The following CENPU variants were observed in gnomAD, a reference collection of about 807,000 sequenced individuals.
CENPU encodes the protein KSHV latent nuclear antigen interacting protein 1.
In CENPU, 46 loss-of-function variants were observed where a neutral mutation model predicts 56.7. The ratio of observed to expected loss-of-function variants is 0.81; its 90% CI spans 0.64 to 1.04. The LOEUF (loss-of-function observed/expected upper bound fraction) is 1.04. Ranked by LOEUF, CENPU falls within the 50% of genes least tolerant of loss-of-function variation. CENPU has a pLI of 0.00. For synonymous variants in CENPU, 166 were observed against 163.0 expected, an observed-to-expected ratio of 1.02 and a Z score of -0.14; for missense variants, 510 against 490.1, an observed-to-expected ratio of 1.04 and a Z score of -0.38.
At chr4:184,712,119 C>CAAAAAAAAA (rs10650384) in intron 7 of CENPU, among the ~76,000 whole-genome samples, 101 of 80,632 alleles carry the variant, frequency 1.3e-3, no homozygotes, top group African/African-American at 3.5e-3. Flanking sequence ...GACTCAGTCT[C>CAAAAAAAAA]AAAAAAAAAA....
intron 11 of CENPU, 141 bp from the exon 12 acceptor site, chr4:184,697,944 T>TA (rs1292192773): frequency 8.5e-6 from 5 of 588,330 alleles, no homozygotes; most frequent in African/African-American, 1.9e-5. Context: ...TACGAATGTG[T>TA]AAAAGATTCT....
At chr4:184,696,791 CAA>C (rs1381062998) in intron 12 of CENPU, among the ~76,000 whole-genome samples, 1 of 151,668 alleles carries the variant, frequency 6.6e-6, no homozygotes, top group African/African-American at 2.4e-5. Flanking sequence ...ATAACAGTAG[CAA>C]AGTCTGCAGT....
chr4:184,708,848 T>C (rs921850753), intron 8 of CENPU, among the ~76,000 whole-genome samples: 20 of 152,096 alleles, frequency 1.3e-4, no homozygotes, highest in Non-Finnish European at 2.8e-4. Context: ...ATATATGAGA[T>C]AAAAGTGATC....
At chr4:184,701,560 G>A (rs921369044) in intron 10 of CENPU, among the ~76,000 whole-genome samples, 1 of 152,064 alleles carries the variant, frequency 6.6e-6, no homozygotes, top group Admixed American at 6.5e-5. Flanking sequence ...ATGCTGGCTG[G>A]CTTGTCACCC....
intron 11 of CENPU, among the ~76,000 whole-genome samples, chr4:184,700,177 A>G (rs1031272343): frequency 6.6e-6 from 1 of 152,084 alleles, no homozygotes; most frequent in African/African-American, 2.4e-5. Flanking sequence ...TGTGCACTCC[A>G]GTCTTCCTAA....
chr4:184,697,469 T>A (rs1364869506), intron 12 of CENPU, among the ~76,000 whole-genome samples, 178 bp downstream of exon 12: 1 of 152,222 alleles, frequency 6.6e-6, no homozygotes, highest in African/African-American at 2.4e-5. Flanking sequence ...CTTCATTAAG[T>A]AGCTAAGAAA....
intron 6 of CENPU, chr4:184,713,823 C>T (rs1445631968): frequency 6.6e-6 from 1 of 152,206 alleles, no homozygotes; most frequent in Admixed American, 6.5e-5. Context: ...GTATAGTGAG[C>T]TGAAGTCTAA....
At chr4:184,708,732 A>T (rs1223277541) in intron 8 of CENPU, among the ~76,000 whole-genome samples, 1 of 152,216 alleles carries the variant, frequency 6.6e-6, no homozygotes, top group Non-Finnish European at 1.5e-5. Flanking sequence ...GTATAATCAA[A>T]ATAATCAGAA....
At chr4:184,703,881 C>G (rs1228361461) in intron 8 of CENPU, among the ~76,000 whole-genome samples, 1 of 152,160 alleles carries the variant, frequency 6.6e-6, no homozygotes, top group Non-Finnish European at 1.5e-5. Flanking sequence ...AATAATGGAG[C>G]TAAAAATTTC....
chr4:184,705,028 C>A (rs571765294), intron 8 of CENPU, among the ~76,000 whole-genome samples: 1 of 152,148 alleles, frequency 6.6e-6, no homozygotes, highest in South Asian at 2.1e-4. Context: ...CCTTACAAAA[C>A]TAAACATGCA....
At chr4:184,709,095 C>A (rs2150210552) in intron 8 of CENPU, among the ~76,000 whole-genome samples, 1 of 152,106 alleles carries the variant, frequency 6.6e-6, no homozygotes, top group Non-Finnish European at 1.5e-5. Context: ...ATGGACTAAA[C>A]AGTTGAAATT....
At chr4:184,698,064 A>C in intron 11 of CENPU, 1 of 348,844 alleles carries the variant, frequency 2.9e-6, no homozygotes, top group Non-Finnish European at 5.2e-6. Flanking sequence ...GAAATTCATC[A>C]AGCCGTTCAA....
chr4:184,714,482 T>G (rs1761025658), intron 6 of CENPU, among the ~76,000 whole-genome samples: 1 of 152,038 alleles, frequency 6.6e-6, no homozygotes, highest in Non-Finnish European at 1.5e-5. Context: ...GCACAGAGGA[T>G]GGGGATGGAT....
At chr4:184,732,885 C>T (rs1761700395) in intron 1 of CENPU, among the ~76,000 whole-genome samples, 1 of 151,556 alleles carries the variant, frequency 6.6e-6, no homozygotes, top group South Asian at 2.1e-4. Flanking sequence ...GCCTGTAATC[C>T]CAGCTCCTCT....
At chr4:184,702,030 C>A in intron 10 of CENPU, 59 bp downstream of exon 10, 1 of 1,124,954 alleles carries the variant, frequency 8.9e-7, no homozygotes, top group East Asian at 2.4e-5. Context: ...CAAGTCTTCG[C>A]ATAACTCTAC....
intron 11 of CENPU, chr4:184,699,707 C>CTGGA (rs2150201107): frequency 1.1e-6 from 1 of 921,496 alleles, no homozygotes; most frequent in South Asian, 1.4e-5. Flanking sequence ...GTCACCCAGG[C>CTGGA]TGGAGTGCAC....
rs906148553 is a variant in CENPU at position 184,709,246 on chromosome 4, T to C, written c.797+826A>G. Reference sequence around the variant, plus strand: ...GCTCACGTCTATAATCCCAGCACTTTGGGAGGCTGAGGTGGGCAGATCACG... The same window carrying C: ...GCTCACGTCTATAATCCCAGCACTTCGGGAGGCTGAGGTGGGCAGATCACG... On this transcript the variant is annotated intron_variant, in intron 8 of 12. Coordinates refer to ENST00000281453, the MANE Select transcript of CENPU (RefSeq NM_024629.4). 5.9e-5 allele frequency among the ~76,000 whole-genome samples: 9 copies of C among 152,256 alleles called. 2 individuals carry two copies. The highest frequency in any genetic ancestry group is 5.9e-4 in the Admixed American group (9 of 15,288).
At chr4:184,702,197 C>T in intron 9 of CENPU, 61 bp from the exon 10 acceptor site, 1 of 1,331,106 alleles carries the variant, frequency 7.5e-7, no homozygotes, top group East Asian at 2.3e-5. Flanking sequence ...TAATTAGTTT[C>T]ACATGTGTCA....
chr4:184,703,681 G>C (rs1412580823), intron 8 of CENPU, among the ~76,000 whole-genome samples: 1 of 152,170 alleles, frequency 6.6e-6, no homozygotes, highest in Non-Finnish European at 1.5e-5. Flanking sequence ...CAAAAGAATT[G>C]AAAGCACGGA....
Sources: allele counts gnomAD v4.1 joint callset (sites outside exome capture counted in the v4.1 genomes callset), GRCh38; gene constraint gnomAD v4.1.1; transcripts MANE v1.5; gene names NCBI Gene and HGNC (gene_info 2026-07-23, HGNC 2026-07-21).